The following RAPGEF1 variants were observed in gnomAD, a reference collection of about 807,000 sequenced individuals.
RAPGEF1 encodes Rap guanine nucleotide exchange factor 1, also known as CRK SH3-binding GNRP.
In RAPGEF1, 33 loss-of-function variants were observed where a neutral mutation model predicts 143.3. That is an observed-to-expected ratio of 0.23 (90% confidence interval 0.17 to 0.31). The LOEUF (loss-of-function observed/expected upper bound fraction) is 0.31. Among genes scored for constraint, RAPGEF1 ranks in the 10% least tolerant of loss-of-function variants. RAPGEF1 has a pLI of 1.00. For missense variants in RAPGEF1, 1,199 were observed against 1,645.4 expected (o/e 0.73, Z 4.69); for synonymous variants, 629 against 676.5 (o/e 0.93, Z 1.09).
chr9:131,715,874 A>T (rs1465726016), intron 1 of RAPGEF1, among the ~76,000 whole-genome samples: 2 of 124,028 alleles, frequency 1.6e-5, no homozygotes, highest in Non-Finnish European at 3.3e-5. Context: ...AAAAAAAAAA[A>T]AAAAAAAAAG....
intron 9 of RAPGEF1, among the ~76,000 whole-genome samples, chr9:131,626,898 C>A (rs1963285590): frequency 1.3e-5 from 2 of 152,128 alleles, no homozygotes; most frequent in Admixed American, 1.3e-4. Flanking sequence ...GCCAGGAGTT[C>A]AATACCAGCC....
intron 4 of RAPGEF1, 44 bp downstream of exon 4, chr9:131,643,195 G>C (rs893168605): frequency 1.3e-6 from 2 of 1,556,772 alleles, no homozygotes; most frequent in Admixed American, 2.0e-5. Context: ...TGCTTCTAAG[G>C]CTTCCATTGT....
chr9:131,638,995 T>C (rs1966958293), intron 4 of RAPGEF1, among the ~76,000 whole-genome samples: 1 of 152,110 alleles, frequency 6.6e-6, no homozygotes, highest in Admixed American at 6.5e-5. Context: ...TTCTAATCTG[T>C]GTTTCAAAAT....
At chr9:131,677,637 G>C (rs1412962636) in intron 1 of RAPGEF1, among the ~76,000 whole-genome samples, 1 of 152,212 alleles carries the variant, frequency 6.6e-6, no homozygotes, top group Non-Finnish European at 1.5e-5. Flanking sequence ...TCTACCCTAA[G>C]AGGAAAGACG....
At chr9:131,630,467 TC>T in intron 5 of RAPGEF1, 143 bp from the exon 6 acceptor site, 7 of 739,008 alleles carry the variant, frequency 9.5e-6, no homozygotes, top group East Asian at 2.7e-5. Context: ...AACGCAAGTA[TC>T]ACTTGCCTTA....
intron 19 of RAPGEF1, among the ~76,000 whole-genome samples, chr9:131,589,613 G>C (rs1953842564): frequency 6.6e-6 from 1 of 152,196 alleles, no homozygotes; most frequent in South Asian, 2.1e-4. Context: ...GCTGGAGACT[G>C]GACCTAAGAT....
Position 131,621,225 on chromosome 9 carries a change from T to C in RAPGEF1, c.1905+571A>G, listed in dbSNP as rs1395111087. Among the ~76,000 whole-genome samples the C allele has an allele frequency of 6.6e-6, 1 of 152,242 alleles. No individual in the cohort carries two copies. Among genetic ancestry groups the C allele is most frequent in the Non-Finnish European group, 1.5e-5 (1 of 68,036 alleles). ...TGCTTCCTTACATGCACAGGAGTCC[T>C]TAGCACACGAGTGTTTTCTAGAAGA... On this transcript the variant is annotated intron_variant, in intron 11 of 26. Coordinates refer to ENST00000683357, the MANE Select transcript of RAPGEF1 (RefSeq NM_001377935.1). This position sits in a 1 kb window ranked among gnomAD's most constrained non-coding sequence, Gnocchi z 4.5.
chr9:131,700,079 C>T (rs934479446), intron 1 of RAPGEF1, among the ~76,000 whole-genome samples: 2 of 152,140 alleles, frequency 1.3e-5, no homozygotes, highest in Admixed American at 6.5e-5. Flanking sequence ...GTCAACCTTC[C>T]GATGCTCAGG....
rs1198708392 is a variant in RAPGEF1 at position 131,641,767 on chromosome 9, A to C, written c.494+1472T>G. Among the ~76,000 whole-genome samples, 1 of 152,262 alleles carries C rather than the reference A, an allele frequency of 6.6e-6. No individual in the cohort carries two copies. The highest frequency in any genetic ancestry group is 2.4e-5 in the African/African-American group (1 of 41,480). ...GGACTGACTCTGGGAAAGACAGTGAAGACAAGCATGCCCTGCCTCCTTCCC... is the reference window on the plus strand; with the variant it reads ...GGACTGACTCTGGGAAAGACAGTGACGACAAGCATGCCCTGCCTCCTTCCC... On this transcript the variant is annotated intron_variant, in intron 4 of 26. Transcript: ENST00000683357. The surrounding 1 kb of genome is among the most constrained non-coding windows in gnomAD (Gnocchi z 4.6).
intron 1 of RAPGEF1, among the ~76,000 whole-genome samples, chr9:131,727,807 G>A (rs1470593499): frequency 1.9e-5 from 1 of 53,158 alleles, no homozygotes; most frequent in Non-Finnish European, 4.4e-5. Context: ...AGCTCCTCAT[G>A]AACAGAAAAA....
At chr9:131,687,487 AC>A (rs34772561) in intron 1 of RAPGEF1, among the ~76,000 whole-genome samples, 14,728 of 152,058 alleles carry the variant, frequency 0.097, 1,064 homozygotes, top group African/African-American at 0.2. Flanking sequence ...GAGCCATCGC[AC>A]CCGGCCTTGC....
rs1352987781 is a variant in RAPGEF1, at chr9:131,619,137, G to C, written c.1975C>G (p.Pro659Ala). Residue 659 changes from proline to alanine, a missense_variant, in exon 12 of 27, where the codon CCC becomes GCC. Pro to Ala is a conservative substitution (Grantham distance 27, BLOSUM62 -1). This residue lies in a region of RAPGEF1 where 293 missense variants were observed against 356.2 expected (regional missense o/e 0.82). Coordinates refer to ENST00000683357, the MANE Select transcript of RAPGEF1 (RefSeq NM_001377935.1). ...CCCTGAGCGGCACTGCCGTCCTCGG[G>C]GGTGAAGGCCACTTTAGTTTGCTGG... Reference protein sequence around the residue: ...CVQQTKVAFTPEDGSAAQGLS... With the variant: ...CVQQTKVAFTAEDGSAAQGLS... The C allele has an allele frequency of 7.5e-7, 1 of 1,328,246 alleles. No homozygotes were observed. The highest frequency in any genetic ancestry group is 5.1e-5 in the East Asian group (1 of 19,758). 82.3% of individuals were successfully genotyped at this position (1,328,246 alleles called of 1,614,324 possible). A position where few individuals can be genotyped will look rare whatever the true frequency, so the allele number is the denominator to read the frequency against.
chr9:131,593,617 C>T (rs1954739699), intron 17 of RAPGEF1, among the ~76,000 whole-genome samples: 1 of 152,210 alleles, frequency 6.6e-6, no homozygotes, highest in African/African-American at 2.4e-5. Context: ...GGCTCCTGCC[C>T]CCACCCTTGC....
chr9:131,618,392 C>G (rs3890084), intron 12 of RAPGEF1, among the ~76,000 whole-genome samples: 131,912 of 152,284 alleles, frequency 0.87, 57,343 homozygotes, highest in African/African-American at 0.93. Flanking sequence ...CTGCTACCCC[C>G]TGTCCTAAGC....
At chr9:131,588,726 G>A (rs1366432768) in intron 20 of RAPGEF1, 75 bp downstream of exon 20, 11 of 1,435,272 alleles carry the variant, frequency 7.7e-6, no homozygotes, top group African/African-American at 1.4e-5. Flanking sequence ...CTGTGGGGCT[G>A]GCAGGGAGGG....
intron 1 of RAPGEF1, among the ~76,000 whole-genome samples, chr9:131,723,020 C>T (rs1836381203): frequency 6.6e-6 from 1 of 152,090 alleles, no homozygotes; most frequent in African/African-American, 2.4e-5. Context: ...ATAGTGAAAC[C>T]CTGTCTCTAC....
chr9:131,716,915 G>A (rs1835902933), intron 1 of RAPGEF1, among the ~76,000 whole-genome samples: 2 of 152,080 alleles, frequency 1.3e-5, no homozygotes, highest in Admixed American at 6.5e-5. Context: ...TTCCTCACAC[G>A]GCGACTGGAC....
At chr9:131,683,035 C>A (rs913822158) in intron 1 of RAPGEF1, among the ~76,000 whole-genome samples, 1 of 152,106 alleles carries the variant, frequency 6.6e-6, no homozygotes, top group Non-Finnish European at 1.5e-5. Flanking sequence ...AGATTTATTA[C>A]AACAATGGGG....
intron 1 of RAPGEF1, among the ~76,000 whole-genome samples, chr9:131,696,301 T>A (rs1834172603): frequency 6.6e-6 from 1 of 152,124 alleles, no homozygotes; most frequent in Non-Finnish European, 1.5e-5. Context: ...CATACCACAG[T>A]CTGCTCATGT....
Sources: gnomAD v4.1 joint callset for allele counts (sites outside exome capture counted in the v4.1 genomes callset) on GRCh38, gnomAD v4.1.1 for gene constraint, gnomAD v4.1.1 regional missense constraint, Gnocchi (gnomAD v3.1) non-coding constraint, MANE v1.5 for transcripts, NCBI Gene and HGNC (gene_info 2026-07-23, HGNC 2026-07-21) for gene names.